The following SLC9A7 variants were observed in gnomAD, a reference collection of about 807,000 sequenced individuals.
SLC9A7 encodes the protein solute carrier family 9 member A7, also known as sodium/hydrogen exchanger 7.
SLC9A7 carries 19 observed loss-of-function variants against 52.6 expected under a neutral mutation model. The ratio of observed to expected loss-of-function variants is 0.36; its 90% confidence interval spans 0.25 to 0.53. The LOEUF (loss-of-function observed/expected upper bound fraction) is 0.53, where lower values mean the gene tolerates loss of function less well. Among genes scored for constraint, SLC9A7 ranks in the 20% least tolerant of loss-of-function variants. The pLI is 0.91. For missense variants in SLC9A7, 455 were observed against 597.9 expected (o/e 0.76, Z 2.49); for synonymous variants, 226 against 252.1 (o/e 0.90, Z 0.98).
chrX:46,688,368 C>T (rs758928374), intron 1 of SLC9A7, among the ~76,000 whole-genome samples: 145 of 111,327 alleles, frequency 1.3e-3, no homozygotes, highest in African/African-American at 4.5e-3. Flanking sequence ...GAGGCCGAGG[C>T]GGGCAGATCA....
chrX:46,663,831 C>CAT (rs1943872825), intron 5 of SLC9A7, among the ~76,000 whole-genome samples: 1 of 106,812 alleles, frequency 9.4e-6, no homozygotes, highest in Non-Finnish European at 1.9e-5. Flanking sequence ...TGGTGGCAGG[C>CAT]GCCTGTAATC....
At chrX:46,614,782 G>C (rs1942917247) in intron 15 of SLC9A7, among the ~76,000 whole-genome samples, 1 of 111,891 alleles carries the variant, frequency 8.9e-6, no homozygotes, top group African/African-American at 3.2e-5. Context: ...AAGCAGTGTG[G>C]AAAAGGTGGG....
intron 13 of SLC9A7, 123 bp downstream of exon 13, chrX:46,635,466 T>G: frequency 1.9e-6 from 1 of 526,078 alleles, no homozygotes. Context: ...GCACCTTTAC[T>G]AAAAGTGGGG....
intron 1 of SLC9A7, among the ~76,000 whole-genome samples, chrX:46,700,053 C>T (rs1010693946): frequency 7.3e-5 from 8 of 108,878 alleles, no homozygotes; most frequent in Non-Finnish European, 1.5e-4. Context: ...TTCAGTGAGC[C>T]GTGATTGCAC....
chrX:46,749,671 G>A (rs1383604517), intron 1 of SLC9A7, among the ~76,000 whole-genome samples: 2 of 111,697 alleles, frequency 1.8e-5, no homozygotes, highest in Non-Finnish European at 3.8e-5. Flanking sequence ...CTCCTACTTG[G>A]ATCCAAGGCC....
chrX:46,734,366 A>G lies in SLC9A7; in HGVS notation c.325+24339T>C, dbSNP rs192325349. On this transcript the variant is annotated intron_variant, in intron 1 of 16. Coordinates refer to ENST00000616978, the MANE Select transcript of SLC9A7 (RefSeq NM_001257291.2). ...ATATCAGATGAAATAAACTCTAGAC[A>G]ATAAATATTATAGACGGAAAGACCC... Among the ~76,000 whole-genome samples the G allele has an allele frequency of 5.9e-3, 661 of 111,950 alleles. 4 individuals are homozygous for G. Among genetic ancestry groups the G allele is most frequent in the African/African-American group, 0.021 (634 of 30,867 alleles).
Position 46,725,465 on chromosome X carries a change from C to T in SLC9A7, c.325+33240G>A, listed in dbSNP as rs756205716. ...GGTCGATTTTCACTTGCTTGTGTGC[C>T]TTCTTCATTTCCTTTACTCCCAGTT... is the stretch of plus-strand genomic sequence containing the variant. On this transcript the variant is annotated intron_variant, in intron 1 of 16. Transcript: ENST00000616978. 4.7e-6 allele frequency: 5 copies of T among 1,056,188 alleles called. No individual in the cohort carries two copies. The East Asian group carries it at 9.1e-5, about 19-fold the overall frequency. The allele number at this position is 1,056,188 out of a possible 1,213,427, so 87.0% of individuals were successfully genotyped here.
chrX:46,666,321 C>T (rs926216556), intron 5 of SLC9A7, among the ~76,000 whole-genome samples: 2 of 111,521 alleles, frequency 1.8e-5, no homozygotes, highest in Non-Finnish European at 3.8e-5. Flanking sequence ...GTTGCCCAGG[C>T]TGCCAATATC....
chrX:46,625,905 T>C (rs904300734), intron 14 of SLC9A7, among the ~76,000 whole-genome samples: 3 of 111,641 alleles, frequency 2.7e-5, no homozygotes, highest in Non-Finnish European at 5.7e-5. Context: ...AGCCTGGAAG[T>C]GGCTTCTCCC....
chrX:46,739,873 C>T (rs1482851786), intron 1 of SLC9A7, among the ~76,000 whole-genome samples: 1 of 111,760 alleles, frequency 8.9e-6, no homozygotes, highest in Non-Finnish European at 1.9e-5. Context: ...AAACACTCAG[C>T]ATAACACTGC....
At chrX:46,668,247 C>T (rs1323203161) in intron 5 of SLC9A7, among the ~76,000 whole-genome samples, 6 of 112,092 alleles carry the variant, frequency 5.4e-5, no homozygotes, top group South Asian at 3.7e-4. Flanking sequence ...CGGTGGCTCA[C>T]GCCTGTAATT....
chrX:46,605,051 C>T lies in SLC9A7; in HGVS notation c.*1901G>A, dbSNP rs933180669. On this transcript the variant is annotated 3_prime_UTR_variant, in exon 17 of 17. Transcript: ENST00000616978. ...TAAAAAATACAAAAAATTAGCCAGG[C>T]GTGGTGGCGCGTGCCTGTAATCCCA... The T allele has an allele frequency of 9.1e-6, 1 of 109,611 alleles. No homozygotes were observed. Among genetic ancestry groups the T allele is most frequent in the African/African-American group, 3.3e-5 (1 of 30,053 alleles). 9.0% of individuals were successfully genotyped at this position (109,611 alleles called of 1,213,427 possible).
chrX:46,755,230 A>G (rs1466079306), intron 1 of SLC9A7, among the ~76,000 whole-genome samples: 1 of 111,085 alleles, frequency 9.0e-6, no homozygotes, highest in Admixed American at 9.6e-5. Context: ...AGCACTTATT[A>G]TGGGGTCTAT....
intron 3 of SLC9A7, among the ~76,000 whole-genome samples, chrX:46,675,816 CCACT>C (rs1269829817): frequency 8.9e-6 from 1 of 112,281 alleles, no homozygotes; most frequent in Non-Finnish European, 1.9e-5. Context: ...CTGGGTTTCC[CCACT>C]CAGTCTATCA....
At chrX:46,705,672 A>C (rs984017234) in intron 1 of SLC9A7, among the ~76,000 whole-genome samples, 1 of 111,627 alleles carries the variant, frequency 9.0e-6, no homozygotes, top group Admixed American at 9.5e-5. Flanking sequence ...TTGTCTCTAC[A>C]AAAAAATTAA....
intron 1 of SLC9A7, among the ~76,000 whole-genome samples, chrX:46,754,900 G>T (rs1556291005): frequency 2.7e-5 from 3 of 112,460 alleles, no homozygotes; most frequent in African/African-American, 9.7e-5. Context: ...GACATGTAGG[G>T]CCCAGTAACT....
chrX:46,629,463 T>C (rs768622002), intron 14 of SLC9A7, among the ~76,000 whole-genome samples: 1 of 112,356 alleles, frequency 8.9e-6, no homozygotes, highest in Non-Finnish European at 1.9e-5. Flanking sequence ...TGAATCTAAT[T>C]ACAAGCCCAG....
chrX:46,622,785 A>G (rs1943067125), intron 14 of SLC9A7, among the ~76,000 whole-genome samples: 1 of 112,123 alleles, frequency 8.9e-6, no homozygotes. Context: ...GCCCCAAAAA[A>G]GACAATTAAA....
chrX:46,648,244 A>T (rs951805212), intron 11 of SLC9A7, among the ~76,000 whole-genome samples: 10 of 111,862 alleles, frequency 8.9e-5, no homozygotes, highest in African/African-American at 3.3e-4. Flanking sequence ...GACCTCAGCT[A>T]ATTAGTTCAA....
Sources: gnomAD v4.1 joint callset for allele counts (sites outside exome capture counted in the v4.1 genomes callset) on GRCh38, gnomAD v4.1.1 for gene constraint, MANE v1.5 for transcripts, NCBI Gene and HGNC (gene_info 2026-07-23, HGNC 2026-07-21) for gene names.